XYLT1: variants seen among roughly 807,000 people sequenced by gnomAD.
The protein encoded by XYLT1 is xylosyltransferase 1.
A neutral mutation model predicts 91.3 loss-of-function variants in XYLT1; 36 were observed. The observed-to-expected ratio is 0.39, with a 90% confidence interval of 0.30 to 0.52. The LOEUF (loss-of-function observed/expected upper bound fraction) is 0.52, where lower values mean the gene tolerates loss of function less well. Among genes scored for constraint, XYLT1 ranks in the 20% least tolerant of loss-of-function variants. XYLT1 has a pLI of 0.68. For missense variants in XYLT1, 1,242 were observed against 1,284.5 expected (o/e 0.97, Z 0.51); for synonymous variants, 588 against 532.0 (o/e 1.11, Z -1.45).
At chr16:17,410,417 A>G (rs2036092182) in intron 1 of XYLT1, among the ~76,000 whole-genome samples, 1 of 152,174 alleles carries the variant, frequency 6.6e-6, no homozygotes, top group African/African-American at 2.4e-5. Flanking sequence ...CACATCTCAC[A>G]TGGCAGCAGA....
chr16:17,135,194 C>T (rs1030698021), intron 8 of XYLT1, among the ~76,000 whole-genome samples: 5 of 152,080 alleles, frequency 3.3e-5, no homozygotes, highest in Non-Finnish European at 5.9e-5. Context: ...ATCTGGCAAC[C>T]CCAGGCCCAC....
intron 5 of XYLT1, among the ~76,000 whole-genome samples, chr16:17,161,736 G>A (rs2031560504): frequency 6.6e-6 from 1 of 151,118 alleles, no homozygotes; most frequent in South Asian, 2.1e-4. Flanking sequence ...TTTTTCTGGT[G>A]AAGTCATTTG....
chr16:17,291,102 C>T (rs895612161), intron 2 of XYLT1, among the ~76,000 whole-genome samples: 1 of 152,034 alleles, frequency 6.6e-6, no homozygotes, highest in African/African-American at 2.4e-5. Flanking sequence ...ACCTGGTTAA[C>T]TTTTTTTTGG....
intron 2 of XYLT1, among the ~76,000 whole-genome samples, chr16:17,321,413 A>G (rs9935746): frequency 0.17 from 21,167 of 123,066 alleles, 1,945 homozygotes; most frequent in African/African-American, 0.29. Context: ...GCTGGAGTGC[A>G]GTGGCATGAC....
At chr16:17,396,227 A>G (rs1039987323) in intron 1 of XYLT1, among the ~76,000 whole-genome samples, 1 of 152,150 alleles carries the variant, frequency 6.6e-6, no homozygotes, top group Non-Finnish European at 1.5e-5. Flanking sequence ...CCTGGGCACA[A>G]CCTTACAGCC....
At chr16:17,297,153 T>C (rs2034323736) in intron 2 of XYLT1, among the ~76,000 whole-genome samples, 1 of 152,202 alleles carries the variant, frequency 6.6e-6, no homozygotes, top group Non-Finnish European at 1.5e-5. Context: ...ATAAAGCACT[T>C]GCTTGAGTCA....
chr16:17,438,225 GGAA>G (rs1260115656), intron 1 of XYLT1, among the ~76,000 whole-genome samples: 3 of 152,154 alleles, frequency 2.0e-5, no homozygotes, highest in African/African-American at 7.2e-5. Flanking sequence ...GAGGAAAACA[GGAA>G]GAAGATGATG....
intron 3 of XYLT1, among the ~76,000 whole-genome samples, chr16:17,205,018 T>C (rs2032616533): frequency 7.0e-6 from 1 of 143,696 alleles, no homozygotes; most frequent in African/African-American, 2.6e-5. Flanking sequence ...CAGATTCCCA[T>C]GGCACAAAAC....
chr16:17,169,149 G>A (rs1344877442), intron 5 of XYLT1, among the ~76,000 whole-genome samples: 1 of 152,156 alleles, frequency 6.6e-6, no homozygotes, highest in Admixed American at 6.5e-5. Context: ...CAGAACACTG[G>A]GGGATGCAGA....
At chr16:17,434,312 T>C (rs923769732) in intron 1 of XYLT1, among the ~76,000 whole-genome samples, 3 of 152,232 alleles carry the variant, frequency 2.0e-5, no homozygotes, top group African/African-American at 7.2e-5. Flanking sequence ...CATCACCTGC[T>C]AGTAAATTAC....
chr16:17,174,410 A>G (rs1207497374), intron 5 of XYLT1, among the ~76,000 whole-genome samples: 1 of 152,260 alleles, frequency 6.6e-6, no homozygotes, highest in Non-Finnish European at 1.5e-5. Context: ...AATGAGGTCT[A>G]TCCAGACAAT....
chr16:17,254,038 T>C (rs2033591173), intron 3 of XYLT1, among the ~76,000 whole-genome samples: 1 of 152,174 alleles, frequency 6.6e-6, no homozygotes, highest in African/African-American at 2.4e-5. Flanking sequence ...TCCCCTTCCT[T>C]GAGCCTCGAT....
chr16:17,307,048 T>C (rs760751107), intron 2 of XYLT1, among the ~76,000 whole-genome samples: 1 of 152,160 alleles, frequency 6.6e-6, no homozygotes, highest in Non-Finnish European at 1.5e-5. Context: ...CTGGTAGTTA[T>C]ATGAGCCTGC....
At chr16:17,315,196 AC>A (rs1172186940) in intron 2 of XYLT1, among the ~76,000 whole-genome samples, 3 of 152,244 alleles carry the variant, frequency 2.0e-5, no homozygotes, top group Non-Finnish European at 1.5e-5. Context: ...GGACTGACTT[AC>A]AAAGCTCAGC....
chr16:17,356,155 C>T (rs752259296), intron 2 of XYLT1, among the ~76,000 whole-genome samples: 3 of 152,094 alleles, frequency 2.0e-5, no homozygotes, highest in Non-Finnish European at 4.4e-5. Flanking sequence ...CAGACGTTGC[C>T]AAATAACCAC....
In XYLT1 at chr16:17,312,403, C is replaced by A. The variant is rs1457906; in HGVS notation, c.402+45609G>T. On this transcript the variant is annotated intron_variant, in intron 2 of 11. Coordinates refer to ENST00000261381, the MANE Select transcript of XYLT1 (RefSeq NM_022166.4). The surrounding 1 kb of genome is among the most constrained non-coding windows in gnomAD (Gnocchi z 4.4). The stretch of plus-strand genomic sequence containing the variant: ...ATCATCAGGGCTGGCATTCCTGTAG[C>A]GCTTACCATGTATGGGGTCTTGTCT... Among the ~76,000 whole-genome samples, 1 of 151,952 alleles carries A rather than the reference C, an allele frequency of 6.6e-6. No homozygotes were observed. Among genetic ancestry groups the A allele is most frequent in the African/African-American group, 2.4e-5 (1 of 41,332 alleles).
chr16:17,132,907 G>C (rs1471173019), intron 9 of XYLT1, among the ~76,000 whole-genome samples: 1 of 152,126 alleles, frequency 6.6e-6, no homozygotes, highest in Non-Finnish European at 1.5e-5. Flanking sequence ...AAAGAGCACT[G>C]TATAACTAAC....
chr16:17,383,339 C>G (rs1229333097), intron 1 of XYLT1, among the ~76,000 whole-genome samples: 1 of 151,846 alleles, frequency 6.6e-6, no homozygotes, highest in African/African-American at 2.4e-5. Context: ...CCTTTCCTGA[C>G]CTCCGAAGAT....
chr16:17,224,090 C>T (rs1398831518), intron 3 of XYLT1, among the ~76,000 whole-genome samples: 2 of 152,192 alleles, frequency 1.3e-5, no homozygotes, highest in Admixed American at 1.3e-4. Flanking sequence ...CTTTGAGCTT[C>T]AATTTCCCAA....
Sources: gnomAD v4.1 joint callset for allele counts (sites outside exome capture counted in the v4.1 genomes callset) on GRCh38, gnomAD v4.1.1 for gene constraint, Gnocchi (gnomAD v3.1) non-coding constraint, MANE v1.5 for transcripts, NCBI Gene and HGNC (gene_info 2026-07-23, HGNC 2026-07-21) for gene names.